BRWD1: variants seen among roughly 807,000 people sequenced by gnomAD.
BRWD1 encodes the protein bromodomain and WD repeat domain containing 1.
BRWD1 carries 82 observed loss-of-function variants against 251.2 expected under a neutral mutation model. The observed-to-expected ratio is 0.33, with a 90% CI of 0.27 to 0.39. The LOEUF (loss-of-function observed/expected upper bound fraction) is 0.39, where lower values mean the gene tolerates loss of function less well. Among genes scored for constraint, BRWD1 ranks in the 10% least tolerant of loss-of-function variants. The probability of loss-of-function intolerance (pLI) is 1.00; values close to 1 mark genes in which losing one functional copy is unlikely to be tolerated. For synonymous variants in BRWD1, 918 were observed against 902.8 expected, an observed-to-expected ratio of 1.02 and a Z score of -0.30; for missense variants, 2,233 against 2,711.6, an observed-to-expected ratio of 0.82 and a Z score of 3.92.
intron 37 of BRWD1, among the ~76,000 whole-genome samples, chr21:39,205,375 G>A (rs1483073349): frequency 2.0e-4 from 30 of 152,184 alleles, no homozygotes; most frequent in Non-Finnish European, 1.5e-5. Context: ...TACTCGGGAA[G>A]CTGAGGTGAG....
chr21:39,253,027 C>T (rs149426544), intron 19 of BRWD1, among the ~76,000 whole-genome samples: 45 of 152,290 alleles, frequency 3.0e-4, no homozygotes, highest in Non-Finnish European at 5.7e-4. Context: ...CGGTGGCTCA[C>T]GCCTGTAATC....
intron 32 of BRWD1, 113 bp downstream of exon 32, chr21:39,215,124 C>G: frequency 8.9e-7 from 1 of 1,118,000 alleles, no homozygotes; most frequent in Non-Finnish European, 1.3e-6. Context: ...ACGGCCTTCA[C>G]TTCCCAAAGT....
At chr21:39,260,057 A>G (rs1177915926) in intron 17 of BRWD1, among the ~76,000 whole-genome samples, 1 of 152,172 alleles carries the variant, frequency 6.6e-6, no homozygotes, top group African/African-American at 2.4e-5. Context: ...TGGAAACCAA[A>G]GAAGAACTTA....
At chr21:39,245,103 C>A (rs142955706) in intron 21 of BRWD1, among the ~76,000 whole-genome samples, 3 of 151,314 alleles carry the variant, frequency 2.0e-5, no homozygotes, top group African/African-American at 4.9e-5. Context: ...TTTAGCCAGG[C>A]AGGGTGGCTG....
In BRWD1 at chr21:39,280,029, T is replaced by G. The variant is rs1006484497; in HGVS notation, c.932+119A>C. On this transcript the variant is annotated intron_variant, in intron 9 of 40. Coordinates refer to ENST00000342449, the MANE Select transcript of BRWD1 (RefSeq NM_033656.4). ...ATGCTGTATATAATAAAAATTAAGTTCAAAGGTTAAAAAAAAGCAACAATA... is the reference window on the plus strand; with the variant it reads ...ATGCTGTATATAATAAAAATTAAGTGCAAAGGTTAAAAAAAAGCAACAATA... The G allele has an allele frequency of 8.8e-6, 6 of 685,124 alleles. No homozygotes were observed. The African/African-American group carries it at 1.1e-4, about 13-fold the overall frequency. 42.4% of individuals were successfully genotyped at this position (685,124 alleles called of 1,614,324 possible).
intron 8 of BRWD1, among the ~76,000 whole-genome samples, chr21:39,283,769 T>A (rs1392990784): frequency 6.6e-6 from 1 of 152,228 alleles, no homozygotes; most frequent in Non-Finnish European, 1.5e-5. Context: ...AATTGCAGTA[T>A]CACTGACATA....
chr21:39,290,425 A>C (rs2035774676), intron 8 of BRWD1, among the ~76,000 whole-genome samples: 1 of 151,416 alleles, frequency 6.6e-6, no homozygotes, highest in Non-Finnish European at 1.5e-5. Context: ...CATGAGGCAG[A>C]GATTGCAGTG....
chr21:39,229,015 T>A (rs916355255), intron 26 of BRWD1, among the ~76,000 whole-genome samples: 1 of 152,152 alleles, frequency 6.6e-6, no homozygotes, highest in Non-Finnish European at 1.5e-5. Flanking sequence ...CTGAATTTTT[T>A]CAAAAACAAA....
Position 39,193,912 on chromosome 21 carries a change from A to G in BRWD1, c.*2347T>C. ...CACATATTCAAAGTTAACCTTAGGA[A>G]TAGCACCATAACCAAAAAAACCCAT... is the stretch of plus-strand genomic sequence containing the variant. On this transcript the variant is annotated 3_prime_UTR_variant, in exon 41 of 41. Coordinates refer to ENST00000342449, the MANE Select transcript of BRWD1 (RefSeq NM_033656.4). The G allele has an allele frequency of 1.0e-6, 1 of 985,526 alleles. No individual in the cohort carries two copies. Among genetic ancestry groups the G allele is most frequent in the Non-Finnish European group, 1.2e-6 (1 of 829,684 alleles). The allele number at this position is 985,526 out of a possible 1,614,324, so 61.0% of individuals were successfully genotyped here.
intron 36 of BRWD1, among the ~76,000 whole-genome samples, chr21:39,207,660 C>T (rs977924414): frequency 6.6e-6 from 1 of 152,014 alleles, no homozygotes; most frequent in African/African-American, 2.4e-5. Context: ...AGGTCTATAC[C>T]CAAGGGAATT....
intron 8 of BRWD1, among the ~76,000 whole-genome samples, chr21:39,288,311 A>G (rs780102525): frequency 1.8e-4 from 27 of 152,226 alleles, no homozygotes; most frequent in African/African-American, 4.8e-4. Flanking sequence ...CATTTTCTCA[A>G]TATCTTCAAG....
intron 8 of BRWD1, among the ~76,000 whole-genome samples, chr21:39,284,454 G>A (rs961004819): frequency 1.3e-5 from 2 of 152,150 alleles, no homozygotes; most frequent in African/African-American, 2.4e-5. Context: ...CTCCAGCCTG[G>A]GCAACAGAGA....
At chr21:39,241,237 G>A (rs566508482) in intron 21 of BRWD1, among the ~76,000 whole-genome samples, 60 of 151,660 alleles carry the variant, frequency 4.0e-4, no homozygotes, top group South Asian at 2.5e-3. Context: ...AGACCAAGTC[G>A]GGCAGATCAC....
In BRWD1 at chr21:39,197,225, G is replaced by T; in HGVS notation, c.5844C>A (p.Val1948=). 2 of 1,613,968 alleles carry T rather than the reference G, an allele frequency of 1.2e-6. No individual in the cohort carries two copies. Among genetic ancestry groups the T allele is most frequent in the East Asian group, 2.2e-5 (1 of 44,880 alleles). Residue 1948 remains valine (V), a synonymous_variant, in exon 41 of 41, where the codon GTC becomes GTA. Coordinates refer to ENST00000342449, the MANE Select transcript of BRWD1 (RefSeq NM_033656.4). ...KIKLMSDVED[V]SLENVHTRSK... is the part of the protein sequence containing the mutation. ...TTCTAGTGTGCACATTTTCTAAACT[G>T]ACATCTTCTACATCACTCATGAGCT...
rs370000125 is a variant in BRWD1, at chr21:39,196,625, C to T, written c.6444G>A (p.Lys2148=). ...VKISETTGNS[K]FRPDTSSKSS... is the part of the protein sequence containing the mutation. ...ATTTGGAACTAGTATCAGGTCTAAA[C>T]TTTGAATTCCCAGTTGTTTCAGAGA... Residue 2148 remains lysine (K), a synonymous_variant, in exon 41 of 41, where the codon AAG becomes AAA. Transcript: ENST00000342449. The T allele has an allele frequency of 5.3e-5, 85 of 1,613,548 alleles. No individual in the cohort carries two copies. The highest frequency in any genetic ancestry group is 1.6e-4 in the Middle Eastern group (1 of 6,084).
chr21:39,243,322 A>C (rs2034065788), intron 21 of BRWD1, among the ~76,000 whole-genome samples: 1 of 152,250 alleles, frequency 6.6e-6, no homozygotes. Context: ...CTAAACAGAC[A>C]CAACAAAATG....
chr21:39,220,924 G>A (rs920240411), intron 29 of BRWD1, among the ~76,000 whole-genome samples: 1 of 151,940 alleles, frequency 6.6e-6, no homozygotes, highest in Non-Finnish European at 1.5e-5. Context: ...TTGGGATGCC[G>A]AGGCAGGGGG....
chr21:39,276,280 A>C (rs1003071801), intron 11 of BRWD1, 67 bp from the exon 12 acceptor site: 1 of 1,453,734 alleles, frequency 6.9e-7, no homozygotes, highest in Non-Finnish European at 9.4e-7. Context: ...GAAAAAATGA[A>C]GTTTTAATGC....
At chr21:39,259,234 T>C (rs2034661184) in intron 17 of BRWD1, among the ~76,000 whole-genome samples, 1 of 152,172 alleles carries the variant, frequency 6.6e-6, no homozygotes. Context: ...CCGACTAATC[T>C]CAAATTACTC....
Sources: allele counts gnomAD v4.1 joint callset (sites outside exome capture counted in the v4.1 genomes callset), GRCh38; gene constraint gnomAD v4.1.1; transcripts MANE v1.5; gene names NCBI Gene and HGNC (gene_info 2026-07-23, HGNC 2026-07-21).